ARHGAP42: variants seen among roughly 807,000 people sequenced by gnomAD.
The protein encoded by ARHGAP42 is rho GTPase-activating protein 42.
Under a neutral mutation model 125.0 loss-of-function variants are expected in ARHGAP42, and 63 were observed. That is an observed-to-expected ratio of 0.50 (90% CI 0.41 to 0.62). The LOEUF is 0.62. ARHGAP42 is among the 20% of genes least tolerant of loss of function. The probability of loss-of-function intolerance (pLI) is 0.00; values close to 1 mark genes in which losing one functional copy is unlikely to be tolerated. For synonymous variants in ARHGAP42, 339 were observed against 351.0 expected (o/e 0.97, Z 0.38); for missense variants, 766 against 1,024.2 (o/e 0.75, Z 3.44).
chr11:100,876,825 A>G (rs962533785), intron 4 of ARHGAP42, among the ~76,000 whole-genome samples: 1 of 152,172 alleles, frequency 6.6e-6, no homozygotes, highest in Non-Finnish European at 1.5e-5. Flanking sequence ...ACTGTTCTGT[A>G]TTTAGAGTTG....
At chr11:100,882,646 C>T (rs1289370427) in intron 4 of ARHGAP42, among the ~76,000 whole-genome samples, 1 of 151,988 alleles carries the variant, frequency 6.6e-6, no homozygotes, top group Admixed American at 6.6e-5. Context: ...CTTTCTCTCT[C>T]TTGTGGAATA....
intron 1 of ARHGAP42, among the ~76,000 whole-genome samples, chr11:100,690,954 T>C (rs1332192923): frequency 6.6e-6 from 1 of 152,130 alleles, no homozygotes; most frequent in Non-Finnish European, 1.5e-5. Context: ...AGGATAATGG[T>C]TAATTAAGTG....
chr11:100,912,051 T>G (rs934405417), intron 4 of ARHGAP42, among the ~76,000 whole-genome samples: 2 of 152,090 alleles, frequency 1.3e-5, no homozygotes, highest in African/African-American at 2.4e-5. Context: ...TTCCTAAAAT[T>G]CCACACATGG....
chr11:100,894,963 C>T (rs535746288), intron 4 of ARHGAP42, among the ~76,000 whole-genome samples: 2 of 152,286 alleles, frequency 1.3e-5, no homozygotes, highest in South Asian at 4.1e-4. Flanking sequence ...AAGTGTTCCT[C>T]ATGGGAGATG....
chr11:100,970,729 A>T (rs1418062034), intron 17 of ARHGAP42, among the ~76,000 whole-genome samples: 1 of 152,004 alleles, frequency 6.6e-6, no homozygotes, highest in Non-Finnish European at 1.5e-5. Flanking sequence ...AAAATCTTTG[A>T]CCCATTGCTC....
At chr11:100,792,407 C>T (rs529194574) in intron 2 of ARHGAP42, among the ~76,000 whole-genome samples, 4 of 152,186 alleles carry the variant, frequency 2.6e-5, no homozygotes, top group Non-Finnish European at 5.9e-5. Flanking sequence ...CCAGTCCCCA[C>T]TACTTACTTT....
intron 2 of ARHGAP42, among the ~76,000 whole-genome samples, chr11:100,777,800 T>C (rs548574311): frequency 5.3e-5 from 8 of 152,360 alleles, no homozygotes; most frequent in African/African-American, 1.9e-4. Flanking sequence ...AAAATGCTTC[T>C]GTGAAAATTT....
At chr11:100,785,393 A>T (rs1240294983) in intron 2 of ARHGAP42, among the ~76,000 whole-genome samples, 1 of 152,190 alleles carries the variant, frequency 6.6e-6, no homozygotes, top group African/African-American at 2.4e-5. Context: ...ACTGTGGGAA[A>T]TAAGATTAGG....
intron 6 of ARHGAP42, among the ~76,000 whole-genome samples, chr11:100,932,489 T>TA (rs759130913): frequency 4.1e-4 from 63 of 152,122 alleles, no homozygotes; most frequent in Non-Finnish European, 7.4e-4. Context: ...AATTTATGGA[T>TA]AAAAACATAA....
intron 3 of ARHGAP42, among the ~76,000 whole-genome samples, chr11:100,803,889 C>A (rs2135047645): frequency 6.6e-6 from 1 of 152,206 alleles, no homozygotes; most frequent in South Asian, 2.1e-4. Flanking sequence ...GAACTTATTT[C>A]TTTTATTTTT....
At chr11:100,704,644 GATGTCA>G (rs138106388) in intron 1 of ARHGAP42, among the ~76,000 whole-genome samples, 6,884 of 151,828 alleles carry the variant, frequency 0.045, 201 homozygotes, top group African/African-American at 0.093. Context: ...GCAGAAGCAA[GATGTCA>G]ATTGAAAGAT....
intron 1 of ARHGAP42, among the ~76,000 whole-genome samples, chr11:100,715,313 C>T (rs760048237): frequency 6.6e-6 from 1 of 151,948 alleles, no homozygotes; most frequent in Non-Finnish European, 1.5e-5. Context: ...AGACTTTGTC[C>T]TTGTCCTTTG....
chr11:100,911,216 G>A (rs533878954), intron 4 of ARHGAP42, among the ~76,000 whole-genome samples: 5 of 152,272 alleles, frequency 3.3e-5, no homozygotes, highest in South Asian at 4.1e-4. Flanking sequence ...ATAACAGTTT[G>A]TTGAACAAAT....
intron 1 of ARHGAP42, among the ~76,000 whole-genome samples, chr11:100,768,876 AT>A (rs1286684366): frequency 6.6e-6 from 1 of 152,236 alleles, no homozygotes; most frequent in Non-Finnish European, 1.5e-5. Flanking sequence ...CATTTTATAT[AT>A]AATTATGCAT....
At chr11:100,812,137 A>G (rs1864161258) in intron 3 of ARHGAP42, among the ~76,000 whole-genome samples, 2 of 152,160 alleles carry the variant, frequency 1.3e-5, no homozygotes, top group Admixed American at 1.3e-4. Context: ...GAGCCTTCAT[A>G]TAGTGAACAC....
At chr11:100,700,536 T>C (rs1479287132) in intron 1 of ARHGAP42, among the ~76,000 whole-genome samples, 4 of 152,234 alleles carry the variant, frequency 2.6e-5, no homozygotes, top group Non-Finnish European at 5.9e-5. Flanking sequence ...AGTAAGTTTA[T>C]GTAATATTCT....
rs200439554 is a variant in ARHGAP42, at chr11:100,730,925, AG to A, written c.155-39417del. Among the ~76,000 whole-genome samples the A allele has an allele frequency of 4.9e-3, 744 of 152,352 alleles. 4 individuals are homozygous for A. Among genetic ancestry groups the A allele is most frequent in the African/African-American group, 0.017 (714 of 41,582 alleles). On this transcript the variant is annotated intron_variant, in intron 1 of 23. Transcript: ENST00000298815. ...GTGTATCTAAATATAGAAAGAGTAC[AG>A]TAAAAATACAATATTATGATCTTAA...
In ARHGAP42 at chr11:100,770,425, T is replaced by C; in HGVS notation, c.237T>C (p.Asp79=). The C allele has an allele frequency of 1.3e-6, 2 of 1,549,024 alleles. No individual in the cohort carries two copies. The highest frequency in any genetic ancestry group is 1.7e-6 in the Non-Finnish European group (2 of 1,145,382). The change falls in exon 2 of 24, where the codon GAT becomes GAC. Residue 79 remains aspartate, a synonymous_variant. Transcript: ENST00000298815. ...FECIGDAETD[D]EISIAQSLKE... is the part of the protein sequence containing the mutation. ...GTATTGGTGATGCTGAAACAGATGA[T>C]GAAATTAGTATTGGTAAGTACTACT...
intron 4 of ARHGAP42, among the ~76,000 whole-genome samples, chr11:100,892,769 A>G: frequency 6.6e-6 from 1 of 152,198 alleles, no homozygotes; most frequent in Non-Finnish European, 1.5e-5. Flanking sequence ...TTCCATGTAC[A>G]GCATGACTGA....
Sources: allele counts gnomAD v4.1 joint callset (sites outside exome capture counted in the v4.1 genomes callset), GRCh38; gene constraint gnomAD v4.1.1; transcripts MANE v1.5; gene names NCBI Gene and HGNC (gene_info 2026-07-23, HGNC 2026-07-21).